The following MUSK variants were observed in gnomAD, a reference collection of about 807,000 sequenced individuals.
The protein encoded by MUSK is muscle, skeletal receptor tyrosine-protein kinase.
MUSK carries 55 observed loss-of-function variants against 88.7 expected under a neutral mutation model. The observed-to-expected ratio is 0.62, with a 90% CI of 0.50 to 0.78. The LOEUF (loss-of-function observed/expected upper bound fraction) is 0.78, where lower values mean the gene tolerates loss of function less well. Among genes scored for constraint, MUSK ranks in the 30% least tolerant of loss-of-function variants. The pLI is 0.00. For missense variants in MUSK, 1,015 were observed against 1,074.3 expected, an observed-to-expected ratio of 0.94 and a Z score of 0.77; for synonymous variants, 387 against 391.9, an observed-to-expected ratio of 0.99 and a Z score of 0.15.
At chr9:110,696,026 G>A (rs2076426113) in intron 4 of MUSK, among the ~76,000 whole-genome samples, 1 of 152,190 alleles carries the variant, frequency 6.6e-6, no homozygotes, top group African/African-American at 2.4e-5. Context: ...GAGTAGTCAC[G>A]CCTGTAATTC....
chr9:110,774,572 T>G (rs1443066179), intron 9 of MUSK, among the ~76,000 whole-genome samples: 2 of 152,206 alleles, frequency 1.3e-5, no homozygotes, highest in African/African-American at 4.8e-5. Flanking sequence ...CTATGCTGTC[T>G]GCGTGCAAAA....
intron 1 of MUSK, among the ~76,000 whole-genome samples, chr9:110,673,217 T>C (rs971322350): frequency 4.6e-5 from 7 of 152,216 alleles, no homozygotes; most frequent in Admixed American, 2.6e-4. Flanking sequence ...CTCTTATCCA[T>C]CTGTGCATAA....
At chr9:110,762,045 C>A in intron 7 of MUSK, 157 bp from the exon 8 acceptor site, 1 of 769,518 alleles carries the variant, frequency 1.3e-6, no homozygotes, top group South Asian at 5.9e-5. Context: ...ATTAATGCAG[C>A]ATCTGGCCTC....
chr9:110,690,480 A>G (rs1266112635), intron 3 of MUSK, among the ~76,000 whole-genome samples: 1 of 83,684 alleles, frequency 1.2e-5, no homozygotes, highest in East Asian at 3.2e-4. Context: ...GTATATATAT[A>G]AATATATATT....
At chr9:110,677,808 T>C (rs1425458541) in intron 1 of MUSK, among the ~76,000 whole-genome samples, 1 of 152,212 alleles carries the variant, frequency 6.6e-6, no homozygotes, top group African/African-American at 2.4e-5. Flanking sequence ...ACTCTACTAA[T>C]GGTTTTCAAG....
intron 5 of MUSK, among the ~76,000 whole-genome samples, chr9:110,707,994 A>G (rs1224880070): frequency 6.6e-6 from 1 of 152,156 alleles, no homozygotes; most frequent in African/African-American, 2.4e-5. Flanking sequence ...CCTTAAGGCC[A>G]ACAAATCTAT....
rs898749619 is a variant in MUSK at position 110,803,778 on chromosome 9, A to G, written c.*2790A>G. Among the ~76,000 whole-genome samples the G allele has an allele frequency of 6.6e-6, 1 of 152,222 alleles. No homozygotes were observed. Among genetic ancestry groups the G allele is most frequent in the African/African-American group, 2.4e-5 (1 of 41,458 alleles). Reference sequence around the variant, plus strand: ...CCTAAGTGCTCGATCTAATGTTCTGAATCACAGGAGTATAGATGCATTATT... The same window carrying G: ...CCTAAGTGCTCGATCTAATGTTCTGGATCACAGGAGTATAGATGCATTATT... On this transcript the variant is annotated 3_prime_UTR_variant, in exon 15 of 15. Transcript: ENST00000374448.
chr9:110,694,283 A>G (rs536058207), intron 3 of MUSK, among the ~76,000 whole-genome samples: 113 of 148,502 alleles, frequency 7.6e-4, no homozygotes, highest in African/African-American at 2.7e-3. Flanking sequence ...CTACTCGGGA[A>G]GCTGAGGCAG....
rs2846450 is a variant in MUSK at position 110,804,749 on chromosome 9, A to G, written c.*3761A>G. On this transcript the variant is annotated 3_prime_UTR_variant, in exon 15 of 15. Coordinates refer to ENST00000374448, the MANE Select transcript of MUSK (RefSeq NM_005592.4). ...AAAGAAAAATAATATGCAATAATATACAATAATATGTATAATCATAATAGA... is the reference window on the plus strand; with the variant it reads ...AAAGAAAAATAATATGCAATAATATGCAATAATATGTATAATCATAATAGA... 0.37 allele frequency among the ~76,000 whole-genome samples: 56,770 copies of G among 151,656 alleles called. 11,437 individuals carry two copies. Among genetic ancestry groups the G allele is most frequent in the Middle Eastern group, 0.47 (136 of 290 alleles).
chr9:110,674,867 C>A (rs1327473707), intron 1 of MUSK, among the ~76,000 whole-genome samples: 1 of 152,066 alleles, frequency 6.6e-6, no homozygotes, highest in Non-Finnish European at 1.5e-5. Flanking sequence ...CCACCTCGGC[C>A]TCAAAAGTGC....
In MUSK at chr9:110,804,181, G is replaced by T. The variant is rs1158549711; in HGVS notation, c.*3193G>T. ...TTTAGCTAATCAATCTTGTATTTTT[G>T]AACATTTAGGTTTTTTCCAATTTTT... On this transcript the variant is annotated 3_prime_UTR_variant, in exon 15 of 15. Transcript: ENST00000374448. Among the ~76,000 whole-genome samples the T allele has an allele frequency of 1.3e-5, 2 of 151,726 alleles. No homozygotes were observed. The highest frequency in any genetic ancestry group is 2.9e-5 in the Non-Finnish European group (2 of 67,916).
chr9:110,758,268 T>A (rs901605312), intron 7 of MUSK, among the ~76,000 whole-genome samples: 1 of 152,178 alleles, frequency 6.6e-6, no homozygotes, highest in African/African-American at 2.4e-5. Context: ...CTGGCCCTAA[T>A]TGATAAAGTT....
intron 5 of MUSK, among the ~76,000 whole-genome samples, chr9:110,708,292 T>A (rs545757792): frequency 6.6e-6 from 1 of 152,320 alleles, no homozygotes; most frequent in South Asian, 2.1e-4. Flanking sequence ...TATACCACAT[T>A]TGATTTGCTT....
chr9:110,786,070 G>A (rs1316047149), intron 13 of MUSK, among the ~76,000 whole-genome samples: 1 of 150,778 alleles, frequency 6.6e-6, no homozygotes, highest in African/African-American at 2.4e-5. Flanking sequence ...CCAGCACTTT[G>A]GGAGGCTGAG....
chr9:110,670,468 A>G (rs1030220716), intron 1 of MUSK, among the ~76,000 whole-genome samples: 6 of 152,210 alleles, frequency 3.9e-5, no homozygotes, highest in Non-Finnish European at 8.8e-5. Flanking sequence ...GATTCAAATA[A>G]GGATTTGTTG....
chr9:110,797,130 A>AT (rs1564297630), intron 14 of MUSK, among the ~76,000 whole-genome samples: 2 of 44,464 alleles, frequency 4.5e-5, no homozygotes, highest in Admixed American at 1.9e-4. Context: ...AAAATAAAAA[A>AT]ATAAAAAATA....
At chr9:110,769,710 A>AAGT in intron 9 of MUSK, among the ~76,000 whole-genome samples, 1 of 152,270 alleles carries the variant, frequency 6.6e-6, no homozygotes, top group South Asian at 2.1e-4. Flanking sequence ...TTTTGCTAGA[A>AAGT]AGTAGCACGT....
At chr9:110,669,588 T>C (rs73536260) in intron 1 of MUSK, among the ~76,000 whole-genome samples, 2 of 152,184 alleles carry the variant, frequency 1.3e-5, no homozygotes, top group African/African-American at 2.4e-5. Flanking sequence ...AAAGTTTTTT[T>C]CAGAGCCTTT....
At chr9:110,754,847 T>C (rs550808861) in intron 7 of MUSK, among the ~76,000 whole-genome samples, 2 of 152,330 alleles carry the variant, frequency 1.3e-5, no homozygotes, top group East Asian at 3.9e-4. Flanking sequence ...TGACATAGAG[T>C]TCTCTTCATT....
Sources: allele counts gnomAD v4.1 joint callset (sites outside exome capture counted in the v4.1 genomes callset), GRCh38; gene constraint gnomAD v4.1.1; transcripts MANE v1.5; gene names NCBI Gene and HGNC (gene_info 2026-07-23, HGNC 2026-07-21).